Variants in CCSER1 observed in about 807,000 individuals in gnomAD.
CCSER1 encodes the protein coiled-coil serine rich protein 1.
Under a neutral mutation model 82.0 loss-of-function variants are expected in CCSER1, and 41 were observed. The ratio of observed to expected loss-of-function variants is 0.50; its 90% CI spans 0.39 to 0.65. CCSER1 has a LOEUF of 0.65. Ranked by LOEUF, CCSER1 falls within the 30% of genes least tolerant of loss-of-function variation. CCSER1 has a pLI of 0.00. For missense variants in CCSER1, 1,119 were observed against 1,064.2 expected (o/e 1.05, Z -0.72); for synonymous variants, 414 against 383.9 (o/e 1.08, Z -0.92).
chr4:91,238,854 C>T (rs1315071259), intron 10 of CCSER1, among the ~76,000 whole-genome samples: 4 of 150,240 alleles, frequency 2.7e-5, no homozygotes, highest in Non-Finnish European at 5.9e-5. Context: ...GACGGAGTCT[C>T]GCATGGTCAC....
At chr4:90,831,407 C>A (rs994531139) in intron 8 of CCSER1, among the ~76,000 whole-genome samples, 1 of 152,098 alleles carries the variant, frequency 6.6e-6, no homozygotes, top group Non-Finnish European at 1.5e-5. Flanking sequence ...TATATAATTT[C>A]TATTGATGAG....
chr4:90,171,753 G>T (rs561340198), intron 1 of CCSER1, among the ~76,000 whole-genome samples: 19 of 151,962 alleles, frequency 1.3e-4, no homozygotes, highest in African/African-American at 4.6e-4. Flanking sequence ...ACAGTTAAAA[G>T]AGTTCTGCAT....
chr4:91,380,479 T>C (rs1029816004), intron 10 of CCSER1, among the ~76,000 whole-genome samples: 20 of 152,330 alleles, frequency 1.3e-4, no homozygotes, highest in African/African-American at 4.8e-4. Flanking sequence ...ACTTGTTGAA[T>C]TGATCCCTTT....
chr4:91,141,167 T>TC (rs1728989440), intron 10 of CCSER1, among the ~76,000 whole-genome samples: 1 of 149,084 alleles, frequency 6.7e-6, no homozygotes, highest in African/African-American at 2.5e-5. Context: ...TTTTTTTTTT[T>TC]CTTTTTGAGA....
chr4:91,003,392 CTTA>C (rs1738216889), intron 9 of CCSER1, among the ~76,000 whole-genome samples: 1 of 152,022 alleles, frequency 6.6e-6, no homozygotes. Flanking sequence ...TTGGGTGGGT[CTTA>C]CTGAGGCTGC....
At chr4:91,566,812 T>C (rs1475640859) in intron 10 of CCSER1, among the ~76,000 whole-genome samples, 1 of 152,062 alleles carries the variant, frequency 6.6e-6, no homozygotes, top group African/African-American at 2.4e-5. Flanking sequence ...GTAACCTATC[T>C]ATTTTATTAA....
Position 91,504,145 on chromosome 4 carries a change from G to A in CCSER1, c.2218-94427G>A, listed in dbSNP as rs533072821. ...AAGTATGGTTTCAAGAAATATGAAA[G>A]TACAACAGACACAATACTGTATGGC... On this transcript the variant is annotated intron_variant, in intron 10 of 10. Coordinates refer to ENST00000509176, the MANE Select transcript of CCSER1 (RefSeq NM_001145065.2). Among the ~76,000 whole-genome samples, 4 of 152,230 alleles carry A rather than the reference G, an allele frequency of 2.6e-5. No individual in the cohort carries two copies. In the East Asian group the frequency reaches 7.7e-4, roughly 29 times the overall value.
At chr4:90,611,148 C>T (rs974849877) in intron 5 of CCSER1, among the ~76,000 whole-genome samples, 1 of 146,296 alleles carries the variant, frequency 6.8e-6, no homozygotes, top group African/African-American at 2.6e-5. Flanking sequence ...ATCCACTCGC[C>T]TCAGCCTCCC....
intron 5 of CCSER1, among the ~76,000 whole-genome samples, chr4:90,508,984 T>G (rs921401309): frequency 6.6e-6 from 1 of 152,108 alleles, no homozygotes; most frequent in Admixed American, 6.5e-5. Flanking sequence ...TAGGAAACTT[T>G]GAATTTTAAG....
At chr4:91,547,661 C>T (rs141809207) in intron 10 of CCSER1, among the ~76,000 whole-genome samples, 2,270 of 152,154 alleles carry the variant, frequency 0.015, 44 homozygotes, top group African/African-American at 0.05. Context: ...TATATTTCTA[C>T]GATTGAATTT....
intron 1 of CCSER1, among the ~76,000 whole-genome samples, chr4:90,204,352 C>CTTACAT (rs1489862026): frequency 1.3e-5 from 2 of 152,088 alleles, no homozygotes; most frequent in Non-Finnish European, 2.9e-5. Flanking sequence ...TTTAATCCAT[C>CTTACAT]TTGAGTTAAT....
At chr4:91,200,133 C>G (rs13115718) in intron 10 of CCSER1, among the ~76,000 whole-genome samples, 1 of 151,906 alleles carries the variant, frequency 6.6e-6, no homozygotes, top group East Asian at 1.9e-4. Context: ...CAAATATATC[C>G]TTGAAGTTCT....
intron 7 of CCSER1, among the ~76,000 whole-genome samples, chr4:90,809,099 C>T (rs1405856826): frequency 6.6e-6 from 1 of 152,060 alleles, no homozygotes; most frequent in South Asian, 2.1e-4. Flanking sequence ...AGGAGGATCA[C>T]TTGAGCCCAG....
intron 8 of CCSER1, among the ~76,000 whole-genome samples, chr4:90,829,843 C>A (rs1293971643): frequency 6.6e-6 from 1 of 152,170 alleles, no homozygotes; most frequent in Non-Finnish European, 1.5e-5. Flanking sequence ...GCAGTGCTTT[C>A]CTTACCTTTT....
intron 6 of CCSER1, among the ~76,000 whole-genome samples, chr4:90,684,866 G>A (rs1173362979): frequency 6.6e-6 from 1 of 152,080 alleles, no homozygotes; most frequent in Non-Finnish European, 1.5e-5. Context: ...TCTTTGCCAG[G>A]TGCCATCCAT....
In CCSER1 at chr4:91,135,144, T is replaced by A. The variant is rs77332160; in HGVS notation, c.2217+49150T>A. ...AAAAACAGTAACTTTGCAGTGATGGTTGAAGCCATAATCTTAATGAAATAT... is the reference window on the plus strand; with the variant it reads ...AAAAACAGTAACTTTGCAGTGATGGATGAAGCCATAATCTTAATGAAATAT... On this transcript the variant is annotated intron_variant, in intron 10 of 10. Coordinates refer to ENST00000509176, the MANE Select transcript of CCSER1 (RefSeq NM_001145065.2). Among the ~76,000 whole-genome samples, 804 of 152,230 alleles carry A rather than the reference T, an allele frequency of 5.3e-3. 7 individuals carry two copies. The highest frequency in any genetic ancestry group is 0.018 in the African/African-American group (760 of 41,542).
At chr4:91,482,782 A>C (rs1334905951) in intron 10 of CCSER1, among the ~76,000 whole-genome samples, 1 of 152,196 alleles carries the variant, frequency 6.6e-6, no homozygotes, top group Non-Finnish European at 1.5e-5. Flanking sequence ...TGATGAGTTC[A>C]TATCCTTTGT....
At chr4:91,309,722 T>C (rs548359324) in intron 10 of CCSER1, among the ~76,000 whole-genome samples, 8 of 152,178 alleles carry the variant, frequency 5.3e-5, no homozygotes, top group African/African-American at 1.9e-4. Flanking sequence ...CCTGTCTTTT[T>C]CATTCTTTTC....
intron 10 of CCSER1, among the ~76,000 whole-genome samples, chr4:91,455,039 TG>T: frequency 6.6e-6 from 1 of 152,184 alleles, no homozygotes; most frequent in East Asian, 1.9e-4. Flanking sequence ...AAAAGTAAAA[TG>T]TAATTGCTGG....
Sources: allele counts gnomAD v4.1 joint callset (sites outside exome capture counted in the v4.1 genomes callset), GRCh38; gene constraint gnomAD v4.1.1; transcripts MANE v1.5; gene names NCBI Gene and HGNC (gene_info 2026-07-23, HGNC 2026-07-21).